The following CCSER1 variants were observed in gnomAD, a reference collection of about 807,000 sequenced individuals.
CCSER1 encodes the protein coiled-coil serine rich protein 1, also known as serine-rich coiled-coil domain-containing protein 1.
Under a neutral mutation model 82.0 loss-of-function variants are expected in CCSER1, and 41 were observed. The observed-to-expected ratio is 0.50, with a 90% CI of 0.39 to 0.65. CCSER1 has a LOEUF of 0.65. Ranked by LOEUF, CCSER1 falls within the 30% of genes least tolerant of loss-of-function variation. The pLI is 0.00. For missense variants in CCSER1, 1,119 were observed against 1,064.2 expected (o/e 1.05, Z -0.72); for synonymous variants, 414 against 383.9 (o/e 1.08, Z -0.92).
intron 10 of CCSER1, among the ~76,000 whole-genome samples, chr4:91,452,507 G>A (rs1202202528): frequency 6.6e-6 from 1 of 152,018 alleles, no homozygotes; most frequent in Non-Finnish European, 1.5e-5. Context: ...AAGCACATAT[G>A]TCAAGCAAAT....
rs149400756 is a variant in CCSER1, at chr4:91,400,742, A to G, written c.2218-197830A>G. Among the ~76,000 whole-genome samples, 1,039 of 151,766 alleles carry G rather than the reference A, an allele frequency of 6.8e-3. 9 individuals are homozygous for G. The highest frequency in any genetic ancestry group is 0.024 in the African/African-American group (978 of 41,436). On this transcript the variant is annotated intron_variant, in intron 10 of 10. Coordinates refer to ENST00000509176, the MANE Select transcript of CCSER1 (RefSeq NM_001145065.2). ...CCCTAAATATCTAGAAAAATAAAGTATCAACTGCTTGTAAAATGTATATTA... is the reference window on the plus strand; with the variant it reads ...CCCTAAATATCTAGAAAAATAAAGTGTCAACTGCTTGTAAAATGTATATTA...
chr4:90,356,196 A>C (rs1001994837), intron 3 of CCSER1, among the ~76,000 whole-genome samples: 1 of 151,992 alleles, frequency 6.6e-6, no homozygotes, highest in African/African-American at 2.4e-5. Flanking sequence ...TTCTGTGTTT[A>C]GACATTGTAA....
intron 9 of CCSER1, among the ~76,000 whole-genome samples, chr4:91,046,581 T>G (rs772321749): frequency 3.9e-5 from 6 of 152,228 alleles, no homozygotes; most frequent in Non-Finnish European, 7.4e-5. Flanking sequence ...AAAGGTTTCT[T>G]TCTCATTCAC....
intron 1 of CCSER1, among the ~76,000 whole-genome samples, chr4:90,217,117 G>A (rs956705249): frequency 6.6e-6 from 1 of 152,064 alleles, no homozygotes; most frequent in Non-Finnish European, 1.5e-5. Context: ...ACTAATTTTC[G>A]TACATTGATT....
At chr4:90,456,953 C>T (rs1250932036) in intron 4 of CCSER1, among the ~76,000 whole-genome samples, 1 of 152,190 alleles carries the variant, frequency 6.6e-6, no homozygotes, top group Non-Finnish European at 1.5e-5. Context: ...GATTTGCTCA[C>T]TTGGCCTGGC....
chr4:90,595,054 A>T (rs759928895), intron 5 of CCSER1, among the ~76,000 whole-genome samples: 3 of 152,026 alleles, frequency 2.0e-5, no homozygotes, highest in Non-Finnish European at 4.4e-5. Context: ...AAGTGTTTTG[A>T]GTTACTTATC....
intron 10 of CCSER1, among the ~76,000 whole-genome samples, chr4:91,582,394 G>A (rs968054145): frequency 9.2e-5 from 14 of 151,482 alleles, no homozygotes; most frequent in African/African-American, 3.4e-4. Flanking sequence ...CAATTAAAAT[G>A]ATTTTTTGCC....
At chr4:90,260,722 C>G (rs1724169580) in intron 1 of CCSER1, among the ~76,000 whole-genome samples, 1 of 151,966 alleles carries the variant, frequency 6.6e-6, no homozygotes, top group Non-Finnish European at 1.5e-5. Context: ...TGATTTATTT[C>G]TTGATTTATT....
intron 10 of CCSER1, among the ~76,000 whole-genome samples, chr4:91,465,349 T>C (rs55797038): frequency 0.12 from 17,645 of 152,058 alleles, 1,067 homozygotes; most frequent in African/African-American, 0.14. Context: ...GGGACACATT[T>C]AAAGCAGTGT....
chr4:90,870,440 A>G (rs1766326385), intron 8 of CCSER1, among the ~76,000 whole-genome samples: 1 of 151,784 alleles, frequency 6.6e-6, no homozygotes, highest in South Asian at 2.1e-4. Flanking sequence ...TTTCCGTGTC[A>G]GTTGAAATGA....
rs902438428 is a variant in CCSER1, at chr4:91,598,576, C to T, written c.2222C>T (p.Thr741Ile). 1 of 1,547,458 alleles carries T rather than the reference C, an allele frequency of 6.5e-7. No homozygotes were observed. The highest frequency in any genetic ancestry group is 1.4e-5 in the African/African-American group (1 of 72,736). The change falls in exon 11 of 11, where the codon ACA (threonine) becomes ATA (isoleucine). Residue 741 changes from threonine (T) to isoleucine (I), a missense_variant. Coordinates refer to ENST00000509176, the MANE Select transcript of CCSER1 (RefSeq NM_001145065.2). ...LETVQGGREA[T>I]YRNRIVSQNL... ...TCTTTCTGTGTCTTACCATAGGCTA[C>T]ATATCGAAATCGAATTGTGAGCCAA... is the stretch of plus-strand genomic sequence containing the variant.
At chr4:90,862,530 C>A (rs1443998943) in intron 8 of CCSER1, among the ~76,000 whole-genome samples, 1 of 151,902 alleles carries the variant, frequency 6.6e-6, no homozygotes, top group Admixed American at 6.6e-5. Context: ...TTAAAGACAA[C>A]AGGATGTCAC....
At chr4:91,557,417 TATC>T (rs1430377852) in intron 10 of CCSER1, among the ~76,000 whole-genome samples, 1 of 151,510 alleles carries the variant, frequency 6.6e-6, no homozygotes. Context: ...ATTTACTGAA[TATC>T]TTCTATGTGG....
intron 5 of CCSER1, among the ~76,000 whole-genome samples, chr4:90,615,389 T>C (rs894463597): frequency 2.0e-5 from 3 of 152,114 alleles, no homozygotes; most frequent in African/African-American, 7.2e-5. Context: ...CTGGGTAAAA[T>C]ACATTAAAAA....
At chr4:90,968,021 G>A (rs1461595) in intron 9 of CCSER1, among the ~76,000 whole-genome samples, 10,727 of 151,966 alleles carry the variant, frequency 0.071, 518 homozygotes, top group Non-Finnish European at 0.11. Flanking sequence ...AACTGAAAGC[G>A]TAGTGAATTC....
intron 3 of CCSER1, among the ~76,000 whole-genome samples, chr4:90,367,584 A>C (rs937390536): frequency 2.6e-5 from 4 of 151,954 alleles, no homozygotes; most frequent in Non-Finnish European, 5.9e-5. Context: ...CCACAAAGAC[A>C]AAAGAATATA....
chr4:91,104,840 A>G (rs1287342369), intron 10 of CCSER1, among the ~76,000 whole-genome samples: 1 of 152,004 alleles, frequency 6.6e-6, no homozygotes, highest in Non-Finnish European at 1.5e-5. Flanking sequence ...GTGTGTCTAA[A>G]TTTCCTAATA....
chr4:91,276,811 AG>A (rs1742499267), intron 10 of CCSER1, among the ~76,000 whole-genome samples: 1 of 152,016 alleles, frequency 6.6e-6, no homozygotes, highest in African/African-American at 2.4e-5. Flanking sequence ...TGTTATCTTA[AG>A]GTATGTTCCT....
intron 4 of CCSER1, among the ~76,000 whole-genome samples, chr4:90,446,517 G>C (rs1417796065): frequency 6.6e-6 from 1 of 152,034 alleles, no homozygotes; most frequent in Non-Finnish European, 1.5e-5. Flanking sequence ...ATTTTGGTCA[G>C]CCCAAAAGGT....
Sources: allele counts gnomAD v4.1 joint callset (sites outside exome capture counted in the v4.1 genomes callset), GRCh38; gene constraint gnomAD v4.1.1; transcripts MANE v1.5; gene names NCBI Gene and HGNC (gene_info 2026-07-23, HGNC 2026-07-21).